The following FOCAD variants were observed in gnomAD, a reference collection of about 807,000 sequenced individuals.
The protein encoded by FOCAD is focadhesin, also known as KIAA1797.
Under a neutral mutation model 225.6 loss-of-function variants are expected in FOCAD, and 198 were observed. The observed-to-expected ratio is 0.88, with a 90% CI of 0.78 to 0.99. The LOEUF is 0.99. Ranked by LOEUF, FOCAD falls within the 50% of genes least tolerant of loss-of-function variation. The probability of loss-of-function intolerance (pLI) is 0.00; values close to 1 mark genes in which losing one functional copy is unlikely to be tolerated. For synonymous variants in FOCAD, 897 were observed against 755.0 expected, an observed-to-expected ratio of 1.19 and a Z score of -3.08; for missense variants, 2,713 against 2,123.6, an observed-to-expected ratio of 1.28 and a Z score of -5.46.
chr9:20,931,902 CAAAA>C (rs11343467), intron 27 of FOCAD, among the ~76,000 whole-genome samples: 12 of 120,614 alleles, frequency 9.9e-5, no homozygotes, highest in Admixed American at 8.4e-5. Context: ...GACTCTATCT[CAAAA>C]AAAAAAAAAA....
intron 5 of FOCAD, among the ~76,000 whole-genome samples, chr9:20,757,255 G>C (rs1267757511): frequency 6.6e-6 from 1 of 152,146 alleles, no homozygotes; most frequent in Non-Finnish European, 1.5e-5. Flanking sequence ...TATTTTCTTG[G>C]AGGAAAAAGC....
chr9:20,912,486 G>C (rs767867617), intron 22 of FOCAD, among the ~76,000 whole-genome samples: 2 of 151,954 alleles, frequency 1.3e-5, no homozygotes, highest in Non-Finnish European at 2.9e-5. Flanking sequence ...TATAATACTG[G>C]TGTATGGTCC....
chr9:20,838,630 C>CTA (rs1228111539), intron 15 of FOCAD, among the ~76,000 whole-genome samples: 1 of 152,010 alleles, frequency 6.6e-6, no homozygotes. Flanking sequence ...GTACTCTATC[C>CTA]ATGTTATGGA....
chr9:20,815,959 C>T (rs187874232), intron 11 of FOCAD, among the ~76,000 whole-genome samples: 2 of 152,220 alleles, frequency 1.3e-5, no homozygotes, highest in African/African-American at 2.4e-5. Context: ...CCTAGTGAAA[C>T]AGTCCCTGTT....
intron 25 of FOCAD, among the ~76,000 whole-genome samples, chr9:20,926,021 T>C (rs1376020257): frequency 2.0e-5 from 3 of 152,228 alleles, no homozygotes; most frequent in Non-Finnish European, 4.4e-5. Context: ...AGGAGAGCTC[T>C]GAAGGGCTCT....
intron 23 of FOCAD, among the ~76,000 whole-genome samples, chr9:20,915,672 T>C (rs1409124028): frequency 6.6e-6 from 1 of 152,164 alleles, no homozygotes; most frequent in East Asian, 1.9e-4. Context: ...GACCAAGAAA[T>C]GGGGCAATAG....
intron 15 of FOCAD, among the ~76,000 whole-genome samples, chr9:20,826,880 T>TA (rs1824948063): frequency 6.6e-6 from 1 of 152,154 alleles, no homozygotes; most frequent in Admixed American, 6.5e-5. Context: ...GGAAAATAAT[T>TA]AATGTTCCTG....
chr9:20,966,366 T>A (rs1210775560), intron 35 of FOCAD, among the ~76,000 whole-genome samples: 4 of 150,156 alleles, frequency 2.7e-5, no homozygotes, highest in African/African-American at 4.9e-5. Context: ...TTTGCCTATT[T>A]AAAAAAAAAA....
At chr9:20,956,518 T>C (rs375510877) in intron 35 of FOCAD, among the ~76,000 whole-genome samples, 18 of 152,304 alleles carry the variant, frequency 1.2e-4, no homozygotes, top group African/African-American at 4.1e-4. Flanking sequence ...TGTGTTATAT[T>C]GTACCATAAA....
At chr9:20,858,771 A>C (rs545922816) in intron 15 of FOCAD, among the ~76,000 whole-genome samples, 1 of 151,998 alleles carries the variant, frequency 6.6e-6, no homozygotes, top group South Asian at 2.1e-4. Context: ...TGTATCCCAT[A>C]TGTTTTGGTA....
chr9:20,946,296 C>T (rs1837171741), intron 29 of FOCAD, among the ~76,000 whole-genome samples: 1 of 152,086 alleles, frequency 6.6e-6, no homozygotes, highest in Non-Finnish European at 1.5e-5. Context: ...CCTGTTTGGC[C>T]TTGGATGGGA....
intron 19 of FOCAD, among the ~76,000 whole-genome samples, chr9:20,878,756 G>C (rs1443985905): frequency 1.3e-5 from 2 of 152,184 alleles, no homozygotes; most frequent in Non-Finnish European, 2.9e-5. Flanking sequence ...GCAAGCTGGA[G>C]ACTGGGATTC....
intron 11 of FOCAD, among the ~76,000 whole-genome samples, chr9:20,796,471 C>T (rs1821119934): frequency 1.3e-5 from 2 of 152,174 alleles, no homozygotes; most frequent in South Asian, 4.1e-4. Context: ...TCCTCTCCAG[C>T]ACCTGTTGTT....
At chr9:20,742,190 T>G (rs1827680767) in intron 5 of FOCAD, among the ~76,000 whole-genome samples, 1 of 152,166 alleles carries the variant, frequency 6.6e-6, no homozygotes, top group South Asian at 2.1e-4. Context: ...ACCACCTGGG[T>G]GTGCTTAAAA....
At chr9:20,900,747 T>A (rs910543381) in intron 21 of FOCAD, among the ~76,000 whole-genome samples, 30 of 151,886 alleles carry the variant, frequency 2.0e-4, no homozygotes, top group African/African-American at 7.2e-4. Context: ...ATAATTACCA[T>A]GTGGATGTGA....
At chr9:20,680,272 GT>G (rs1350721177), upstream of FOCAD, among the ~76,000 whole-genome samples, 3 of 152,130 alleles carry the variant, frequency 2.0e-5, no homozygotes, top group Non-Finnish European at 4.4e-5. Context: ...ACAATTTGTT[GT>G]TATTGTCCGG....
chr9:20,666,056 A>G (rs1487400519), intron 2 of FOCAD, among the ~76,000 whole-genome samples: 1 of 152,070 alleles, frequency 6.6e-6, no homozygotes, highest in East Asian at 1.9e-4. Flanking sequence ...CACCACGCCC[A>G]GCTAATTTTT....
At chr9:20,707,483 A>G (rs1824485852) in intron 1 of FOCAD, among the ~76,000 whole-genome samples, 2 of 152,202 alleles carry the variant, frequency 1.3e-5, no homozygotes, top group South Asian at 4.1e-4. Flanking sequence ...TTACTCCCCA[A>G]GAACTTAACT....
intron 11 of FOCAD, among the ~76,000 whole-genome samples, chr9:20,804,412 G>T (rs1822186958): frequency 6.6e-6 from 1 of 151,928 alleles, no homozygotes; most frequent in Non-Finnish European, 1.5e-5. Flanking sequence ...TTTGAAGCCG[G>T]GGAGGGTTCA....
Sources: allele counts gnomAD v4.1 joint callset (sites outside exome capture counted in the v4.1 genomes callset), GRCh38; gene constraint gnomAD v4.1.1; transcripts MANE v1.5; gene names NCBI Gene and HGNC (gene_info 2026-07-23, HGNC 2026-07-21).